Variants in KHDRBS2 observed in about 807,000 individuals in gnomAD.
The protein encoded by KHDRBS2 is KH domain-containing, RNA-binding, signal transduction-associated protein 2.
In KHDRBS2, 26 loss-of-function variants were observed where a neutral mutation model predicts 44.3. The observed-to-expected ratio is 0.59, with a 90% CI of 0.43 to 0.81. The LOEUF (loss-of-function observed/expected upper bound fraction) is 0.81, where lower values mean the gene tolerates loss of function less well. Ranked by LOEUF, KHDRBS2 falls within the 40% of genes least tolerant of loss-of-function variation. KHDRBS2 has a pLI of 0.00. For synonymous variants in KHDRBS2, 194 were observed against 151.1 expected, an observed-to-expected ratio of 1.28 and a Z score of -2.08; for missense variants, 476 against 433.1, an observed-to-expected ratio of 1.10 and a Z score of -0.88.
intron 1 of KHDRBS2, among the ~76,000 whole-genome samples, chr6:62,195,234 G>A (rs1251592269): frequency 6.6e-6 from 1 of 152,126 alleles, no homozygotes; most frequent in Non-Finnish European, 1.5e-5. Context: ...TTTTGTTGAT[G>A]TATAGAAAAA....
chr6:61,642,970 C>A, the KHDRBS2 span, among the ~76,000 whole-genome samples: 1 of 152,014 alleles, frequency 6.6e-6, no homozygotes, highest in Non-Finnish European at 1.5e-5. Flanking sequence ...ACATCCAGTG[C>A]CAAAAATGAC....
At chr6:61,991,972 G>A (rs1363845965) in intron 3 of KHDRBS2, among the ~76,000 whole-genome samples, 2 of 152,192 alleles carry the variant, frequency 1.3e-5, no homozygotes. Context: ...GATGCATTAT[G>A]CTGTTCATCA....
the KHDRBS2 span, among the ~76,000 whole-genome samples, chr6:61,549,300 T>A: frequency 3.9e-5 from 6 of 152,204 alleles, no homozygotes; most frequent in African/African-American, 7.2e-5. Context: ...TGTGGTACTG[T>A]TTCAAACACA....
intron 7 of KHDRBS2, among the ~76,000 whole-genome samples, chr6:61,709,026 G>C (rs1314796925): frequency 6.6e-6 from 1 of 151,624 alleles, no homozygotes; most frequent in Non-Finnish European, 1.5e-5. Flanking sequence ...TCTTTAATAT[G>C]GGCAATAGTG....
chr6:62,108,325 C>A (rs552279969), intron 2 of KHDRBS2, among the ~76,000 whole-genome samples: 1 of 152,062 alleles, frequency 6.6e-6, no homozygotes. Context: ...ATTTATGCAG[C>A]CAAAAAAACA....
chr6:62,002,152 T>C (rs1341525623), intron 3 of KHDRBS2, among the ~76,000 whole-genome samples: 2 of 151,392 alleles, frequency 1.3e-5, no homozygotes, highest in African/African-American at 4.8e-5. Context: ...TTAAGCTTCC[T>C]TTATGGGCAT....
chr6:61,638,515 A>T, the KHDRBS2 span, among the ~76,000 whole-genome samples: 2 of 152,176 alleles, frequency 1.3e-5, no homozygotes, highest in African/African-American at 4.8e-5. Context: ...TTCAAGATGG[A>T]TTAAAGACTT....
intron 6 of KHDRBS2, among the ~76,000 whole-genome samples, chr6:61,739,382 C>A (rs1180257130): frequency 6.6e-6 from 1 of 151,820 alleles, no homozygotes; most frequent in Admixed American, 6.6e-5. Flanking sequence ...TTACTTGTTT[C>A]TTAATGATAG....
At chr6:61,944,189 A>G (rs1812743255) in intron 4 of KHDRBS2, among the ~76,000 whole-genome samples, 1 of 152,168 alleles carries the variant, frequency 6.6e-6, no homozygotes, top group African/African-American at 2.4e-5. Context: ...GAATCATTAT[A>G]TCAAAGGAAT....
At chr6:61,892,364 C>T (rs1180468411) in intron 6 of KHDRBS2, among the ~76,000 whole-genome samples, 4 of 152,170 alleles carry the variant, frequency 2.6e-5, no homozygotes, top group African/African-American at 7.2e-5. Flanking sequence ...CCCCATCAAG[C>T]TACCAATGAC....
rs138367517 is a variant in KHDRBS2, at chr6:61,786,046, T to TACAC, written c.811-53286_811-53283dup. Reference sequence around the variant, plus strand: ...TCTCATTCTCTCTCTTTCTCGTTCATACACACACACACACATAGTTCCCTG... The same window carrying TACAC: ...TCTCATTCTCTCTCTTTCTCGTTCATACACACACACACACACACATAGTTCCCTG... On this transcript the variant is annotated intron_variant, in intron 6 of 8. Transcript: ENST00000281156. Among the ~76,000 whole-genome samples, 26 of 151,510 alleles carry TACAC rather than the reference T, an allele frequency of 1.7e-4. No homozygotes were observed. The South Asian group carries it at 3.1e-3, about 18-fold the overall frequency.
At chr6:62,257,840 T>G (rs1837652109) in intron 1 of KHDRBS2, among the ~76,000 whole-genome samples, 1 of 151,996 alleles carries the variant, frequency 6.6e-6, no homozygotes, top group Non-Finnish European at 1.5e-5. Flanking sequence ...CCCAGAAGCA[T>G]AAACTCACAT....
intron 6 of KHDRBS2, among the ~76,000 whole-genome samples, chr6:61,779,112 C>A (rs1262432251): frequency 6.6e-6 from 1 of 152,148 alleles, no homozygotes; most frequent in Non-Finnish European, 1.5e-5. Flanking sequence ...ATCCTCCCAT[C>A]ATGCCATACA....
At chr6:62,120,101 C>T (rs1394044638) in intron 2 of KHDRBS2, among the ~76,000 whole-genome samples, 1 of 152,040 alleles carries the variant, frequency 6.6e-6, no homozygotes, top group East Asian at 1.9e-4. Flanking sequence ...GCCCAGTATG[C>T]AGGGATTCTG....
At chr6:62,127,580 C>T (rs1308360130) in intron 2 of KHDRBS2, among the ~76,000 whole-genome samples, 4 of 151,594 alleles carry the variant, frequency 2.6e-5, no homozygotes, top group Admixed American at 6.6e-5. Flanking sequence ...TTTTTTCTTA[C>T]ATTTTATAAA....
At chr6:61,683,000 AT>A (rs1766462745) in intron 8 of KHDRBS2, among the ~76,000 whole-genome samples, 1 of 151,882 alleles carries the variant, frequency 6.6e-6, no homozygotes, top group Non-Finnish European at 1.5e-5. Context: ...ATCCCAATTT[AT>A]CATGGTTTTT....
At chr6:62,059,256 A>G (rs1473886391) in intron 2 of KHDRBS2, among the ~76,000 whole-genome samples, 3 of 101,682 alleles carry the variant, frequency 3.0e-5, no homozygotes, top group Non-Finnish European at 5.3e-5. Flanking sequence ...TGAGCACTGA[A>G]TAGGGAGCTT....
At chr6:61,867,920 T>C (rs1178188143) in intron 6 of KHDRBS2, among the ~76,000 whole-genome samples, 1 of 151,880 alleles carries the variant, frequency 6.6e-6, no homozygotes, top group African/African-American at 2.4e-5. Flanking sequence ...TTCTCCCTAG[T>C]CAGGAGAAAT....
chr6:62,183,331 T>C (rs1441607073), intron 1 of KHDRBS2, among the ~76,000 whole-genome samples: 1 of 151,664 alleles, frequency 6.6e-6, no homozygotes, highest in Non-Finnish European at 1.5e-5. Flanking sequence ...TCCTCTAAAG[T>C]CAAAATTTAT....
Sources: gnomAD v4.1 joint callset for allele counts (sites outside exome capture counted in the v4.1 genomes callset) on GRCh38, gnomAD v4.1.1 for gene constraint, MANE v1.5 for transcripts, NCBI Gene and HGNC (gene_info 2026-07-23, HGNC 2026-07-21) for gene names.